The following PTCD1 variants were observed in gnomAD, a reference collection of about 807,000 sequenced individuals.
The protein encoded by PTCD1 is pentatricopeptide repeat domain 1, also known as pentatricopeptide repeat-containing protein 1, mitochondrial.
Under a neutral mutation model 53.4 loss-of-function variants are expected in PTCD1, and 50 were observed. The observed-to-expected ratio is 0.94, with a 90% CI of 0.75 to 1.19. PTCD1 has a LOEUF of 1.19. PTCD1 is among the 50% of genes most tolerant of loss of function. The pLI, the probability that PTCD1 is intolerant of heterozygous loss-of-function variation, is 0.00. For missense variants in PTCD1, 918 were observed against 904.8 expected (o/e 1.01, Z -0.19); for synonymous variants, 413 against 394.8 (o/e 1.05, Z -0.55).
At position 99,421,120 on chromosome 7, in the gene PTCD1, C is replaced by A. The variant is rs150665020; in HGVS notation, c.1921-971G>T. 4.7e-3 allele frequency among the ~76,000 whole-genome samples: 713 copies of A among 152,182 alleles called. 4 individuals are homozygous for A. Among genetic ancestry groups the A allele is most frequent in the African/African-American group, 0.016 (658 of 41,524 alleles). On this transcript the variant is annotated intron_variant, in intron 7 of 7. Transcript: ENST00000292478. ...ACAGATGCTCCTGACAGCAGGGTTC[C>A]GCCCCCCAAAAACCCATCGTAAATC... is the stretch of plus-strand genomic sequence containing the variant.
chr7:99,427,179 G>T (rs532695940), intron 5 of PTCD1, among the ~76,000 whole-genome samples: 62 of 149,106 alleles, frequency 4.2e-4, no homozygotes, highest in South Asian at 3.2e-3. Flanking sequence ...GAGGGAGGTG[G>T]GGGTGGTCAG....
chr7:99,424,968 A>G lies in PTCD1; in HGVS notation c.1564T>C (p.Phe522Leu). The change falls in exon 6 of 8, where the codon TTC becomes CTC. Residue 522 changes from phenylalanine (F) to leucine (L), a missense_variant. Transcript: ENST00000292478. ...TTCTTTCTCACCAGCGTGTTAAAGA[A>G]TGTCAGGTCGGCCTCTACCTGGTGC... is the stretch of plus-strand genomic sequence containing the variant. ...DEHQVEADLT[F>L]FNTLVRKKSK... 1 of 1,614,244 alleles carries G rather than the reference A, an allele frequency of 6.2e-7. No homozygotes were observed. Among genetic ancestry groups the G allele is most frequent in the Non-Finnish European group, 8.5e-7 (1 of 1,180,040 alleles).
At position 99,435,267 on chromosome 7, in the gene PTCD1, G is replaced by C. The variant is rs923294188; in HGVS notation, c.-25C>G. ...TTTCTGGCTTTCCTGTCCCTCCAGG[G>C]CCTGGAATATATCAGGAAAAATAAG... On this transcript the variant is annotated splice_region_variant and 5_prime_UTR_variant, in exon 2 of 8. Transcript: ENST00000292478. 1.2e-6 allele frequency: 2 copies of C among 1,600,194 alleles called. No homozygotes were observed. The highest frequency in any genetic ancestry group is 1.7e-6 in the Non-Finnish European group (2 of 1,179,958).
In PTCD1 at chr7:99,419,973, GCC is replaced by G; in HGVS notation, c.2095_2096del (p.Gly699GlnfsTer109). The G allele has an allele frequency of 6.2e-7, 1 of 1,614,188 alleles. No homozygotes were observed. The highest frequency in any genetic ancestry group is 8.5e-7 in the Non-Finnish European group (1 of 1,180,032). On this transcript the variant is annotated frameshift_variant, in exon 8 of 8. Transcript: ENST00000292478. LOFTEE classifies it high-confidence loss of function. ...KEADDGCALG[G>X]R ...TGTTCCAGCTGTGCTCCCATCACCT[GCC>G]CCCAAGGGCACATCCGTCATCAGCC...
At chr7:99,421,012 C>T (rs1255983680) in intron 7 of PTCD1, among the ~76,000 whole-genome samples, 1 of 152,048 alleles carries the variant, frequency 6.6e-6, no homozygotes, top group Non-Finnish European at 1.5e-5. Flanking sequence ...CTTAAGGTGC[C>T]GGATAGAGCC....
chr7:99,435,893 C>T (rs1173341991), intron 1 of PTCD1, among the ~76,000 whole-genome samples: 4 of 151,102 alleles, frequency 2.6e-5, no homozygotes, highest in Non-Finnish European at 5.9e-5. Flanking sequence ...TGAGATCGCG[C>T]CACTGCACTC....
rs1795712848 is a variant in PTCD1, at chr7:99,419,702, TGTG to T, written c.*262_*264del. The stretch of plus-strand genomic sequence containing the variant: ...CAGGGACCAGATGCCCCAGCCCCCT[TGTG>T]GTGTGTGAGGTGACACACAAAGGTA... On this transcript the variant is annotated 3_prime_UTR_variant, in exon 8 of 8. Coordinates refer to ENST00000292478, the MANE Select transcript of PTCD1 (RefSeq NM_015545.4). 4.3e-6 allele frequency: 3 copies of T among 692,736 alleles called. No homozygotes were observed. Among genetic ancestry groups the T allele is most frequent in the African/African-American group, 3.6e-5 (2 of 55,484 alleles). 42.9% of individuals were successfully genotyped at this position (692,736 alleles called of 1,614,324 possible).
Position 99,426,637 on chromosome 7 carries a change from A to G in PTCD1, c.916-1021T>C, listed in dbSNP as rs1796037597. Among the ~76,000 whole-genome samples the G allele has an allele frequency of 4.9e-5, 6 of 121,886 alleles. No homozygotes were observed. The South Asian group carries it at 1.7e-3, about 35-fold the overall frequency. 80.0% of individuals were successfully genotyped at this position (121,886 alleles called of 152,430 possible). On this transcript the variant is annotated intron_variant, in intron 5 of 7. Coordinates refer to ENST00000292478, the MANE Select transcript of PTCD1 (RefSeq NM_015545.4). ...GAGGAGCGTCTCTGCCTGGCCGCCC[A>G]TCGTCTGGGATGTGAGGAGCCCCTC...
chr7:99,417,778 G>C lies in PTCD1; in HGVS notation c.*2189C>G, dbSNP rs150887280. 7.2e-6 allele frequency: 11 copies of C among 1,530,280 alleles called. No homozygotes were observed. The African/African-American group carries it at 1.4e-4, about 19-fold the overall frequency. 94.8% of individuals were successfully genotyped at this position (1,530,280 alleles called of 1,614,324 possible). A position where few individuals can be genotyped will look rare whatever the true frequency, so the allele number is the denominator to read the frequency against. On this transcript the variant is annotated 3_prime_UTR_variant, in exon 8 of 8. Transcript: ENST00000292478. ...AATCCATGTGAGGCAGCGTGTGGCT[G>C]TGTGTTTGTTAGGTCTGGGGTCAAT...
intron 7 of PTCD1, among the ~76,000 whole-genome samples, chr7:99,420,952 AAAAC>A (rs1255901077): frequency 6.6e-6 from 1 of 152,062 alleles, no homozygotes; most frequent in Non-Finnish European, 1.5e-5. Flanking sequence ...ATCTCAAAAA[AAAAC>A]AAAAACAAAA....
Position 99,425,081 on chromosome 7 carries a change from T to G in PTCD1, c.1451A>C (p.Gln484Pro). The G allele has an allele frequency of 6.2e-7, 1 of 1,614,112 alleles. No individual in the cohort carries two copies. The highest frequency in any genetic ancestry group is 8.5e-7 in the Non-Finnish European group (1 of 1,180,036). ...TAGCGTGAGGGTCCTGATGTCGGGC[T>G]GCTGCCTGTGCTCTGCCATCTTGCT... The part of the protein sequence containing the change: ...FLSKMAEHRQ[Q>P]PDIRTLTLLA... The change falls in exon 6 of 8, where the codon CAG (glutamine) becomes CCG (proline). Residue 484 changes from glutamine to proline, a missense_variant. Physicochemically the swap from Gln to Pro is moderately conservative, Grantham distance 76. Coordinates refer to ENST00000292478, the MANE Select transcript of PTCD1 (RefSeq NM_015545.4).
At chr7:99,434,381 G>A (rs576818978) in intron 2 of PTCD1, among the ~76,000 whole-genome samples, 3 of 150,976 alleles carry the variant, frequency 2.0e-5, no homozygotes, top group Admixed American at 1.3e-4. Context: ...CCCAGGAGGC[G>A]GAGGCTGCAG....
At chr7:99,420,833 G>C (rs1795776638) in intron 7 of PTCD1, among the ~76,000 whole-genome samples, 1 of 152,154 alleles carries the variant, frequency 6.6e-6, no homozygotes, top group Non-Finnish European at 1.5e-5. Flanking sequence ...TGTAGCCCCA[G>C]CTACCTGGGA....
intron 5 of PTCD1, 68 bp downstream of exon 5, chr7:99,429,035 C>CA (rs1318648601): frequency 2.7e-5 from 43 of 1,571,124 alleles, no homozygotes; most frequent in Non-Finnish European, 3.5e-5. Context: ...TGGGTGCTCA[C>CA]AGGATCACCA....
In PTCD1 at chr7:99,419,466, C is replaced by G; in HGVS notation, c.*501G>C. 1 of 1,609,090 alleles carries G rather than the reference C, an allele frequency of 6.2e-7. No homozygotes were observed. The highest frequency in any genetic ancestry group is 8.5e-7 in the Non-Finnish European group (1 of 1,179,876). On this transcript the variant is annotated 3_prime_UTR_variant, in exon 8 of 8. Transcript: ENST00000292478. ...AGGCTGGCGCGCTCCACCCTGGACT[C>G]TGGACTTCGCAGGTTCCTGCCTGTC...
rs374334264 is a variant in PTCD1, at chr7:99,435,111, C to T, written c.132G>A (p.Ala44=). The part of the protein sequence containing the change: ...GREGLMRPMW[A]PFSSSSSQLP... ...GCTGAGAGGAGGAGCTGCTGAAGGG[C>T]GCCCACATTGGCCGCATCAGCCCCT... The change falls in exon 2 of 8, where the codon GCG becomes GCA. Residue 44 remains alanine, a synonymous_variant. Transcript: ENST00000292478. The T allele has an allele frequency of 4.4e-6, 7 of 1,604,740 alleles. No homozygotes were observed. Among genetic ancestry groups the T allele is most frequent in the African/African-American group, 2.7e-5 (2 of 74,928 alleles).
At position 99,434,911 on chromosome 7, in the gene PTCD1, T is replaced by C. The variant is rs754075116; in HGVS notation, c.332A>G (p.Asn111Ser). 1 of 1,614,232 alleles carries C rather than the reference T, an allele frequency of 6.2e-7. No homozygotes were observed. The highest frequency in any genetic ancestry group is 8.5e-7 in the Non-Finnish European group (1 of 1,180,046). The change falls in exon 2 of 8, where the codon AAC becomes AGC. Residue 111 changes from asparagine (N) to serine (S), a missense_variant. Physicochemically the swap from Asn to Ser is conservative, Grantham distance 46. Transcript: ENST00000292478. ...LFRKSAAQFH[N>S]LRFGERRDEQ... ...ATCTCTCCGTTCCCCAAACCGCAGG[T>C]TATGGAACTGGGCTGCGGATTTGCG...
intron 5 of PTCD1, among the ~76,000 whole-genome samples, chr7:99,428,632 T>G (rs1361323227): frequency 6.6e-6 from 1 of 151,540 alleles, no homozygotes; most frequent in African/African-American, 2.4e-5. Flanking sequence ...TCTCAACTAC[T>G]CGGGAGGCTG....
chr7:99,426,988 C>A (rs2150952396), intron 5 of PTCD1, among the ~76,000 whole-genome samples: 1 of 151,950 alleles, frequency 6.6e-6, no homozygotes, highest in South Asian at 2.1e-4. Flanking sequence ...GGCAGCCGCC[C>A]CGTCTGAGAA....
Sources: gnomAD v4.1 joint callset for allele counts (sites outside exome capture counted in the v4.1 genomes callset) on GRCh38, gnomAD v4.1.1 for gene constraint, MANE v1.5 for transcripts, NCBI Gene and HGNC (gene_info 2026-07-23, HGNC 2026-07-21) for gene names.